The following DLG2 variants were observed in gnomAD, a reference collection of about 807,000 sequenced individuals.
DLG2 encodes the protein disks large homolog 2.
A neutral mutation model predicts 132.5 loss-of-function variants in DLG2; 45 were observed. That is an observed-to-expected ratio of 0.34 (90% CI 0.27 to 0.44). The LOEUF (loss-of-function observed/expected upper bound fraction) is 0.44. Ranked by LOEUF, DLG2 falls within the 20% of genes least tolerant of loss-of-function variation. The pLI is 1.00. For synonymous variants in DLG2, 424 were observed against 419.6 expected (o/e 1.01, Z -0.13); for missense variants, 1,045 against 1,196.9 (o/e 0.87, Z 1.87).
intron 7 of DLG2, among the ~76,000 whole-genome samples, chr11:84,374,894 C>G (rs2098722888): frequency 6.6e-6 from 1 of 152,146 alleles, no homozygotes; most frequent in Non-Finnish European, 1.5e-5. Flanking sequence ...CTCTCTCATG[C>G]ACCCCCTACT....
chr11:85,537,272 A>C (rs941651131), intron 3 of DLG2, among the ~76,000 whole-genome samples: 3 of 152,192 alleles, frequency 2.0e-5, no homozygotes, highest in Non-Finnish European at 2.9e-5. Context: ...GGGTGGGGCA[A>C]GATAAGGGAA....
At chr11:83,897,457 AC>A (rs1475936654) in intron 15 of DLG2, among the ~76,000 whole-genome samples, 2 of 152,234 alleles carry the variant, frequency 1.3e-5, no homozygotes, top group African/African-American at 4.8e-5. Context: ...AACTACCAGG[AC>A]CCAAATTGTG....
At chr11:83,990,960 G>A (rs973843175) in intron 11 of DLG2, among the ~76,000 whole-genome samples, 1 of 152,078 alleles carries the variant, frequency 6.6e-6, no homozygotes, top group African/African-American at 2.4e-5. Context: ...CTTAACTTAT[G>A]AATGTGCATA....
chr11:85,143,569 T>G (rs1349486161), intron 5 of DLG2, among the ~76,000 whole-genome samples: 1 of 151,860 alleles, frequency 6.6e-6, no homozygotes, highest in Non-Finnish European at 1.5e-5. Context: ...TGCTTATTGG[T>G]ATACTTCCAT....
intron 18 of DLG2, among the ~76,000 whole-genome samples, chr11:83,677,270 T>C (rs971581481): frequency 6.6e-6 from 1 of 152,180 alleles, no homozygotes; most frequent in South Asian, 2.1e-4. Context: ...GTTACCTCTT[T>C]GCACCATCCC....
At chr11:85,161,488 C>A (rs1245818863) in intron 4 of DLG2, among the ~76,000 whole-genome samples, 1 of 152,202 alleles carries the variant, frequency 6.6e-6, no homozygotes, top group East Asian at 1.9e-4. Flanking sequence ...GGACCTCTTC[C>A]ATCATGGAAA....
intron 6 of DLG2, among the ~76,000 whole-genome samples, chr11:84,834,633 G>T (rs1412869557): frequency 6.6e-6 from 1 of 151,488 alleles, no homozygotes. Flanking sequence ...AGAAGCAGGG[G>T]GTTAGGACTG....
At chr11:85,469,114 A>G (rs1225846206) in intron 3 of DLG2, among the ~76,000 whole-genome samples, 3 of 152,196 alleles carry the variant, frequency 2.0e-5, no homozygotes, top group Admixed American at 6.5e-5. Context: ...AAGTATTATC[A>G]CTGTTCTATT....
At chr11:85,131,019 T>A (rs1296840887) in intron 5 of DLG2, among the ~76,000 whole-genome samples, 1 of 151,950 alleles carries the variant, frequency 6.6e-6, no homozygotes, top group Non-Finnish European at 1.5e-5. Flanking sequence ...AAATGAAATT[T>A]CATGTGGGTC....
intron 7 of DLG2, among the ~76,000 whole-genome samples, chr11:84,308,726 G>A (rs892511198): frequency 2.0e-5 from 3 of 152,134 alleles, no homozygotes; most frequent in East Asian, 1.9e-4. Flanking sequence ...GCGCAGCGCC[G>A]GTGGGCCGGC....
intron 12 of DLG2, among the ~76,000 whole-genome samples, chr11:83,977,108 T>C (rs1464362159): frequency 6.6e-6 from 1 of 152,004 alleles, no homozygotes; most frequent in Non-Finnish European, 1.5e-5. Context: ...ATTAATTAGC[T>C]ACATATTTTG....
chr11:84,845,682 CT>C (rs11411513), intron 6 of DLG2, among the ~76,000 whole-genome samples: 3,425 of 138,762 alleles, frequency 0.025, 129 homozygotes, highest in African/African-American at 0.081. Flanking sequence ...GATCGTCACT[CT>C]TTTTTTTTTT....
chr11:83,912,382 T>C (rs992292759), intron 15 of DLG2, among the ~76,000 whole-genome samples: 1 of 152,126 alleles, frequency 6.6e-6, no homozygotes, highest in Non-Finnish European at 1.5e-5. Context: ...TTGAAAATAG[T>C]GTCCACAGCC....
chr11:84,838,523 G>A (rs2080131606), intron 6 of DLG2, among the ~76,000 whole-genome samples: 1 of 151,794 alleles, frequency 6.6e-6, no homozygotes, highest in African/African-American at 2.4e-5. Flanking sequence ...ACAACCACTT[G>A]ACAAAGAAAT....
At chr11:84,741,038 C>A (rs986008347) in intron 6 of DLG2, among the ~76,000 whole-genome samples, 8 of 145,912 alleles carry the variant, frequency 5.5e-5, no homozygotes, top group African/African-American at 1.3e-4. Context: ...GCTGACCAAA[C>A]AACTGTGTGC....
rs559241862 is a variant in DLG2 at position 85,154,290 on chromosome 11, T to C, written c.282+266A>G. ...TTCAAGAGAGGAAAAGTGAAATAGC[T>C]TACAAAATGACTGTGTGATAACCAG... is the stretch of plus-strand genomic sequence containing the variant. On this transcript the variant is annotated intron_variant, in intron 5 of 27. Transcript: ENST00000376104. Among the ~76,000 whole-genome samples the C allele has an allele frequency of 2.0e-5, 3 of 152,266 alleles. No individual in the cohort carries two copies. The South Asian group carries it at 6.2e-4, about 32-fold the overall frequency.
intron 9 of DLG2, among the ~76,000 whole-genome samples, chr11:84,152,276 C>G (rs749644541): frequency 6.6e-6 from 1 of 151,996 alleles, no homozygotes; most frequent in Non-Finnish European, 1.5e-5. Context: ...GAATTGAACT[C>G]TTCATTATCA....
At chr11:84,802,932 T>A (rs2075586353) in intron 6 of DLG2, among the ~76,000 whole-genome samples, 1 of 152,134 alleles carries the variant, frequency 6.6e-6, no homozygotes. Flanking sequence ...CCTAAGTAGC[T>A]GGGACAACAG....
intron 18 of DLG2, among the ~76,000 whole-genome samples, chr11:83,731,462 T>G (rs532725781): frequency 6.6e-6 from 1 of 152,318 alleles, no homozygotes; most frequent in South Asian, 2.1e-4. Context: ...GCAAAGAACA[T>G]GATTTCATTC....
Sources: allele counts gnomAD v4.1 joint callset (sites outside exome capture counted in the v4.1 genomes callset), GRCh38; gene constraint gnomAD v4.1.1; transcripts MANE v1.5; gene names NCBI Gene and HGNC (gene_info 2026-07-23, HGNC 2026-07-21).